LONRF2: variants seen among roughly 807,000 people sequenced by gnomAD.
LONRF2 encodes the protein LON peptidase N-terminal domain and RING finger protein 2.
LONRF2 carries 35 observed loss-of-function variants against 66.6 expected under a neutral mutation model. The ratio of observed to expected loss-of-function variants is 0.53; its 90% CI spans 0.40 to 0.70. The LOEUF (loss-of-function observed/expected upper bound fraction) is 0.70, where lower values mean the gene tolerates loss of function less well. LONRF2 is among the 30% of genes least tolerant of loss of function. The pLI is 0.00. For synonymous variants in LONRF2, 417 were observed against 418.1 expected (o/e 1.00, Z 0.03); for missense variants, 902 against 1,002.1 (o/e 0.90, Z 1.35).
At chr2:100,307,659 A>T (rs1675325178) in intron 2 of LONRF2, among the ~76,000 whole-genome samples, 1 of 152,178 alleles carries the variant, frequency 6.6e-6, no homozygotes, top group Admixed American at 6.5e-5. Flanking sequence ...AGTTCAAGAG[A>T]TCTATTATGA....
rs1327095029 is a variant in LONRF2, at chr2:100,314,590, G to T, written c.680-5365C>A. Among the ~76,000 whole-genome samples, 3 of 152,182 alleles carry T rather than the reference G, an allele frequency of 2.0e-5. No individual in the cohort carries two copies. The South Asian group carries it at 6.2e-4, about 32-fold the overall frequency. On this transcript the variant is annotated intron_variant, in intron 1 of 11. Transcript: ENST00000393437. ...TTTTGGGGGCCTCTGAGGAACAGAA[G>T]TTTTATTGTTATGCTTTTTGTGTCT...
chr2:100,287,453 T>C (rs1325041864), intron 10 of LONRF2, among the ~76,000 whole-genome samples: 2 of 152,202 alleles, frequency 1.3e-5, no homozygotes, highest in East Asian at 3.9e-4. Context: ...GTTGTTTTGT[T>C]TTGTTTTGCT....
chr2:100,304,307 C>A lies in LONRF2; in HGVS notation c.799-1264G>T, dbSNP rs1675244989. Among the ~76,000 whole-genome samples, 4 of 83,886 alleles carry A rather than the reference C, an allele frequency of 4.8e-5. No individual in the cohort carries two copies. The Middle Eastern group carries it at 0.015, about 305-fold the overall frequency. The allele number at this position is 83,886 out of a possible 152,430, so 55.0% of individuals were successfully genotyped here. ...CAGACTACAGGCACATGCCACCCTG[C>A]CTGGCTAATTTTTTTGTAGACTTGG... On this transcript the variant is annotated intron_variant, in intron 2 of 11. Coordinates refer to ENST00000393437, the MANE Select transcript of LONRF2 (RefSeq NM_198461.4).
chr2:100,305,979 C>T (rs1011710182), intron 2 of LONRF2, among the ~76,000 whole-genome samples: 2 of 152,176 alleles, frequency 1.3e-5, no homozygotes, highest in African/African-American at 4.8e-5. Flanking sequence ...ACCTCCACCT[C>T]CCAGGTTCAA....
In LONRF2 at chr2:100,282,962, A is replaced by T. The variant is rs1173761235; in HGVS notation, c.*1336T>A. The T allele has an allele frequency of 2.6e-5, 4 of 152,218 alleles. No individual in the cohort carries two copies. The highest frequency in any genetic ancestry group is 9.7e-5 in the African/African-American group (4 of 41,448). 9.4% of individuals were successfully genotyped at this position (152,218 alleles called of 1,614,324 possible). A position where few individuals can be genotyped will look rare whatever the true frequency, so the allele number is the denominator to read the frequency against. ...GTATATTATGAGATATATATATTTTAAAACTAAAAAATCACCTTCAATGAA... is the reference window on the plus strand; with the variant it reads ...GTATATTATGAGATATATATATTTTTAAACTAAAAAATCACCTTCAATGAA... On this transcript the variant is annotated 3_prime_UTR_variant, in exon 12 of 12. Coordinates refer to ENST00000393437, the MANE Select transcript of LONRF2 (RefSeq NM_198461.4).
In LONRF2 at chr2:100,300,816, A is replaced by T. The variant is rs1276148347; in HGVS notation, c.922-29T>A. ...TAAAATTGCCAAGAAAAGAAAAAAT[A>T]TATATTTTAAAACACTTTTGTAAAA... On this transcript the variant is annotated intron_variant, in intron 3 of 11. Coordinates refer to ENST00000393437, the MANE Select transcript of LONRF2 (RefSeq NM_198461.4). 13 of 1,525,054 alleles carry T rather than the reference A, an allele frequency of 8.5e-6. No homozygotes were observed. The African/African-American group carries it at 1.4e-4, about 17-fold the overall frequency. 94.5% of individuals were successfully genotyped at this position (1,525,054 alleles called of 1,614,324 possible).
At chr2:100,294,433 A>G (rs762375801) in intron 8 of LONRF2, 46 bp from the exon 9 acceptor site, 2 of 1,499,872 alleles carry the variant, frequency 1.3e-6, no homozygotes, top group Non-Finnish European at 1.8e-6. Context: ...GAGCTGTTAG[A>G]TCAGAGGGTG....
intron 3 of LONRF2, 95 bp from the exon 4 acceptor site, chr2:100,300,882 A>C: frequency 1.1e-6 from 1 of 938,284 alleles, no homozygotes; most frequent in Non-Finnish European, 1.4e-6. Context: ...CTAAGAGGCC[A>C]AATAAGCCTA....
At chr2:100,296,207 C>T (rs1019535089) in intron 7 of LONRF2, among the ~76,000 whole-genome samples, 22 of 151,850 alleles carry the variant, frequency 1.4e-4, no homozygotes, top group African/African-American at 5.3e-4. Flanking sequence ...TGTGTGTGCG[C>T]GTGTGTATGT....
rs571849228 is a variant in LONRF2, at chr2:100,318,991, A to G, written c.679+2424T>C. On this transcript the variant is annotated intron_variant, in intron 1 of 11. Coordinates refer to ENST00000393437, the MANE Select transcript of LONRF2 (RefSeq NM_198461.4). The stretch of plus-strand genomic sequence containing the variant: ...CTAAAAATACAAAAATTAGCTGGGC[A>G]TGGTAGTGCGTGCCTGTAATCCCAG... Among the ~76,000 whole-genome samples the G allele has an allele frequency of 1.6e-4, 24 of 151,892 alleles. No individual in the cohort carries two copies. In the East Asian group the frequency reaches 4.7e-3, roughly 30 times the overall value.
intron 10 of LONRF2, among the ~76,000 whole-genome samples, chr2:100,287,973 C>A (rs752710757): frequency 9.9e-5 from 15 of 152,122 alleles, no homozygotes; most frequent in Admixed American, 2.0e-4. Flanking sequence ...AATGCATATA[C>A]CACCCTCAAT....
chr2:100,318,898 G>A (rs1030443066), intron 1 of LONRF2, among the ~76,000 whole-genome samples: 2 of 151,694 alleles, frequency 1.3e-5, no homozygotes, highest in Non-Finnish European at 2.9e-5. Flanking sequence ...TTGGGAGGCT[G>A]AGGCGGGCGG....
chr2:100,303,900 T>C lies in LONRF2; in HGVS notation c.799-857A>G, dbSNP rs138744372. Among the ~76,000 whole-genome samples the C allele has an allele frequency of 1.9e-4, 29 of 152,296 alleles. 1 individual carries two copies. The highest frequency in any genetic ancestry group is 6.7e-4 in the African/African-American group (28 of 41,572). On this transcript the variant is annotated intron_variant, in intron 2 of 11. Transcript: ENST00000393437. ...CCCATTATTTCTTCTTTTTTTTTCT[T>C]GCCAAACATTTTCTGTCTTCTTCTG...
In LONRF2 at chr2:100,291,515, G is replaced by A. The variant is rs528720161; in HGVS notation, c.1758-1095C>T. Among the ~76,000 whole-genome samples, 11 of 152,004 alleles carry A rather than the reference G, an allele frequency of 7.2e-5. 1 individual carries two copies. In the East Asian group the frequency reaches 1.8e-3, roughly 24 times the overall value. On this transcript the variant is annotated intron_variant, in intron 9 of 11. Coordinates refer to ENST00000393437, the MANE Select transcript of LONRF2 (RefSeq NM_198461.4). ...CAAAGTGCCGTGGAAAGCAGTCCCCGGCCACTGCCTTCATCTCCTTGCCTC... is the reference window on the plus strand; with the variant it reads ...CAAAGTGCCGTGGAAAGCAGTCCCCAGCCACTGCCTTCATCTCCTTGCCTC...
chr2:100,293,339 T>G (rs1675000356), intron 9 of LONRF2, among the ~76,000 whole-genome samples: 1 of 152,194 alleles, frequency 6.6e-6, no homozygotes, highest in South Asian at 2.1e-4. Context: ...CCCTAGATAT[T>G]TATGGTGGAA....
intron 4 of LONRF2, 25 bp downstream of exon 4, chr2:100,300,619 C>A: frequency 7.0e-6 from 11 of 1,581,928 alleles, no homozygotes; most frequent in South Asian, 2.4e-5. Flanking sequence ...TCAAGAGAAT[C>A]CTGACAAATG....
chr2:100,287,583 C>T (rs901187703), intron 10 of LONRF2, among the ~76,000 whole-genome samples: 1 of 152,170 alleles, frequency 6.6e-6, no homozygotes, highest in African/African-American at 2.4e-5. Context: ...AACTATATTC[C>T]TAAAGGCACG....
chr2:100,293,401 G>A (rs2105719699), intron 9 of LONRF2, among the ~76,000 whole-genome samples: 1 of 152,316 alleles, frequency 6.6e-6, no homozygotes, highest in South Asian at 2.1e-4. Flanking sequence ...GGGCACGTAG[G>A]TGGACTATAT....
chr2:100,304,790 A>ATTT (rs3039614), intron 2 of LONRF2, among the ~76,000 whole-genome samples: 5,377 of 113,098 alleles, frequency 0.048, 352 homozygotes, highest in South Asian at 0.16. Flanking sequence ...TGCCTGGCTA[A>ATTT]TTTTTTTTTT....
Sources: gnomAD v4.1 joint callset for allele counts (sites outside exome capture counted in the v4.1 genomes callset) on GRCh38, gnomAD v4.1.1 for gene constraint, MANE v1.5 for transcripts, NCBI Gene and HGNC (gene_info 2026-07-23, HGNC 2026-07-21) for gene names.